Variants in NUP214 observed in about 807,000 individuals in gnomAD.
NUP214 encodes nucleoporin 214, also known as nuclear pore complex protein Nup214.
Under a neutral mutation model 196.2 loss-of-function variants are expected in NUP214, and 79 were observed. That is an observed-to-expected ratio of 0.40 (90% confidence interval 0.34 to 0.49). NUP214 has a LOEUF of 0.49. Ranked by LOEUF, NUP214 falls within the 20% of genes least tolerant of loss-of-function variation. NUP214 has a pLI of 0.58. For missense variants in NUP214, 2,468 were observed against 2,539.0 expected (o/e 0.97, Z 0.60); for synonymous variants, 1,020 against 990.5 (o/e 1.03, Z -0.56).
At chr9:131,191,936 A>T in intron 26 of NUP214, 3 of 286,310 alleles carry the variant, frequency 1.0e-5, no homozygotes, top group Non-Finnish European at 1.9e-5. Flanking sequence ...ACTATACTAG[A>T]ATTATTTTGA....
intron 30 of NUP214, among the ~76,000 whole-genome samples, chr9:131,211,490 G>A (rs1173900496): frequency 6.6e-6 from 1 of 152,158 alleles, no homozygotes; most frequent in Non-Finnish European, 1.5e-5. Context: ...CGTTTCCCAT[G>A]ATCTGGTTTC....
chr9:131,139,538 C>T, intron 10 of NUP214, 131 bp downstream of exon 10: 1 of 1,361,260 alleles, frequency 7.3e-7, no homozygotes. Flanking sequence ...GCACATTTCT[C>T]CCTGAAGAGT....
chr9:131,172,375 T>C (rs1323931566), intron 21 of NUP214, among the ~76,000 whole-genome samples: 1 of 152,268 alleles, frequency 6.6e-6, no homozygotes, highest in Non-Finnish European at 1.5e-5. Flanking sequence ...TCTGTTCATG[T>C]CCTTCACCCA....
chr9:131,163,233 G>A (rs1832694710), intron 19 of NUP214, 60 bp downstream of exon 19: 2 of 1,512,264 alleles, frequency 1.3e-6, no homozygotes, highest in East Asian at 4.5e-5. Flanking sequence ...CATTTAGGGA[G>A]TCTTAGAGTG....
chr9:131,195,639 G>T, intron 28 of NUP214: 1 of 223,598 alleles, frequency 4.5e-6, no homozygotes, highest in South Asian at 7.1e-5. Flanking sequence ...AGATAGACAT[G>T]GTAATAGATA....
Position 131,193,699 on chromosome 9 carries a change from T to A in NUP214, c.3659+1407T>A, listed in dbSNP as rs374769322. 1.2e-4 allele frequency among the ~76,000 whole-genome samples: 16 copies of A among 130,316 alleles called. No homozygotes were observed. In the East Asian group the frequency reaches 3.6e-3, roughly 29 times the overall value. The allele number at this position is 130,316 out of a possible 152,430, so 85.5% of individuals were successfully genotyped here. On this transcript the variant is annotated intron_variant, in intron 27 of 35. Transcript: ENST00000359428. The stretch of plus-strand genomic sequence containing the variant: ...CAGAGTATCACTCCGTCACCCTGGT[T>A]GGAGCGCAGTGGTGAGATCTCAGCT...
At chr9:131,225,281 C>T (rs1834689941) in intron 32 of NUP214, among the ~76,000 whole-genome samples, 2 of 151,222 alleles carry the variant, frequency 1.3e-5, no homozygotes, top group South Asian at 4.2e-4. Context: ...AAGCCAGGCA[C>T]GTTGGTGCAC....
At chr9:131,192,845 G>A (rs958853821) in intron 27 of NUP214, among the ~76,000 whole-genome samples, 50 of 150,712 alleles carry the variant, frequency 3.3e-4, no homozygotes, top group African/African-American at 1.1e-3. Flanking sequence ...GGAGGCTGAG[G>A]TGGGAGGATC....
rs1834954226 is a variant in NUP214 at position 131,234,188 on chromosome 9, G to A, written c.*701G>A. The A allele has an allele frequency of 4.3e-6, 1 of 233,284 alleles. No homozygotes were observed. Among genetic ancestry groups the A allele is most frequent in the Non-Finnish European group, 8.5e-6 (1 of 118,098 alleles). 14.5% of individuals were successfully genotyped at this position (233,284 alleles called of 1,614,324 possible). The stretch of plus-strand genomic sequence containing the variant: ...GGTGCCATGTGTCCTACTCCAGAGA[G>A]GAGGGGGCCGGTCACTTGAGAAGAC... On this transcript the variant is annotated 3_prime_UTR_variant, in exon 36 of 36. Coordinates refer to ENST00000359428, the MANE Select transcript of NUP214 (RefSeq NM_005085.4).
intron 28 of NUP214, 32 bp from the exon 29 acceptor site, chr9:131,197,184 C>T: frequency 6.2e-7 from 1 of 1,603,554 alleles, no homozygotes; most frequent in Non-Finnish European, 8.5e-7. Flanking sequence ...TTGCTAAATC[C>T]AACCCATTTT....
chr9:131,178,887 CTT>C (rs1275295096), intron 24 of NUP214, among the ~76,000 whole-genome samples: 1 of 152,082 alleles, frequency 6.6e-6, no homozygotes, highest in Non-Finnish European at 1.5e-5. Context: ...TGTTTGGAGA[CTT>C]TAGCTTCTCT....
In NUP214 at chr9:131,143,625, TGTGA is replaced by T. The variant is rs201172090; in HGVS notation, c.1295-652_1295-649del. Among the ~76,000 whole-genome samples the T allele has an allele frequency of 2.2e-4, 31 of 143,336 alleles. 1 individual carries two copies. Among genetic ancestry groups the T allele is most frequent in the Admixed American group, 1.9e-3 (28 of 14,592 alleles). The allele number at this position is 143,336 out of a possible 152,430, so 94.0% of individuals were successfully genotyped here. A position where few individuals can be genotyped will look rare whatever the true frequency, so the allele number is the denominator to read the frequency against. ...AGAGAGATTGAATGTGTTTTCTTTA[TGTGA>T]GTTAGTTTCCCTGTTTATTAGTCCT... On this transcript the variant is annotated intron_variant, in intron 11 of 35. Coordinates refer to ENST00000359428, the MANE Select transcript of NUP214 (RefSeq NM_005085.4).
chr9:131,147,445 A>G, intron 13 of NUP214, 45 bp from the exon 14 acceptor site: 2 of 1,340,246 alleles, frequency 1.5e-6, no homozygotes, highest in Non-Finnish European at 2.1e-6. Flanking sequence ...GGAGAAATAA[A>G]GGTAATAAAT....
rs1428679310 is a variant in NUP214, at chr9:131,228,051, C to G, written c.5903-109C>G. On this transcript the variant is annotated intron_variant, in intron 32 of 35. Transcript: ENST00000359428. The stretch of plus-strand genomic sequence containing the variant: ...ATTTGAATTGCTAACATCCTCTTTT[C>G]CCTTTTTTCTTCCTATTTTGATTTG... The G allele has an allele frequency of 3.6e-6, 4 of 1,096,882 alleles. No homozygotes were observed. The East Asian group carries it at 1.2e-4, about 33-fold the overall frequency. The allele number at this position is 1,096,882 out of a possible 1,614,324, so 67.9% of individuals were successfully genotyped here.
At chr9:131,223,411 C>G (rs531225764) in intron 32 of NUP214, among the ~76,000 whole-genome samples, 32 of 152,154 alleles carry the variant, frequency 2.1e-4, no homozygotes, top group Admixed American at 1.6e-3. Flanking sequence ...GTGATCCGCC[C>G]ACCTCGGCCT....
chr9:131,166,618 C>G (rs935757836), intron 21 of NUP214, among the ~76,000 whole-genome samples: 12 of 152,058 alleles, frequency 7.9e-5, no homozygotes, highest in African/African-American at 2.9e-4. Flanking sequence ...GTGCACAAAA[C>G]AAAAACGTAT....
At chr9:131,175,182 T>C (rs1416662940) in intron 22 of NUP214, among the ~76,000 whole-genome samples, 5 of 152,122 alleles carry the variant, frequency 3.3e-5, no homozygotes, top group African/African-American at 9.7e-5. Context: ...TGAAGAGAAT[T>C]TGTGAGAGGG....
At chr9:131,215,160 T>C (rs1834354397) in intron 30 of NUP214, 52 bp from the exon 31 acceptor site, 1 of 1,415,906 alleles carries the variant, frequency 7.1e-7, no homozygotes. Context: ...CAGCCTGCCA[T>C]TTCACGATGA....
At position 131,233,797 on chromosome 9, in the gene NUP214, CTG is replaced by C. The variant is rs1301120214; in HGVS notation, c.*314_*315del. ...AGCAGAGCCTCCATCAGCCAGAACA[CTG>C]TGTCTTCAAGGATGGCATCAGAAGT... is the stretch of plus-strand genomic sequence containing the variant. On this transcript the variant is annotated 3_prime_UTR_variant, in exon 36 of 36. Coordinates refer to ENST00000359428, the MANE Select transcript of NUP214 (RefSeq NM_005085.4). 1.3e-5 allele frequency: 6 copies of C among 448,406 alleles called. No individual in the cohort carries two copies. The highest frequency in any genetic ancestry group is 2.0e-5 in the African/African-American group (1 of 50,566). The allele number at this position is 448,406 out of a possible 1,614,324, so 27.8% of individuals were successfully genotyped here.
Sources: allele counts gnomAD v4.1 joint callset (sites outside exome capture counted in the v4.1 genomes callset), GRCh38; gene constraint gnomAD v4.1.1; transcripts MANE v1.5; gene names NCBI Gene and HGNC (gene_info 2026-07-23, HGNC 2026-07-21).